The following DSC3 variants were observed in gnomAD, a reference collection of about 807,000 sequenced individuals.
DSC3 encodes desmocollin-3.
A neutral mutation model predicts 89.5 loss-of-function variants in DSC3; 97 were observed. That is an observed-to-expected ratio of 1.08 (90% CI 0.92 to 1.28). The LOEUF is 1.28. Ranked by LOEUF, DSC3 falls within the 50% of genes most tolerant of loss-of-function variation. DSC3 has a pLI of 0.00. For missense variants in DSC3, 1,199 were observed against 1,085.3 expected, an observed-to-expected ratio of 1.10 and a Z score of -1.47; for synonymous variants, 436 against 384.1, an observed-to-expected ratio of 1.14 and a Z score of -1.58.
At chr18:31,012,005 T>G (rs1985086402) in intron 9 of DSC3, among the ~76,000 whole-genome samples, 1 of 128,438 alleles carries the variant, frequency 7.8e-6, no homozygotes, top group Non-Finnish European at 1.6e-5. Flanking sequence ...AAAGACATGA[T>G]TTAACCACAC....
At chr18:31,007,789 A>G (rs952497859) in intron 11 of DSC3, among the ~76,000 whole-genome samples, 4 of 152,202 alleles carry the variant, frequency 2.6e-5, no homozygotes, top group African/African-American at 7.2e-5. Context: ...ATAGAAATAC[A>G]TAAGAATTTA....
chr18:31,005,694 G>A (rs1357119792), intron 12 of DSC3, among the ~76,000 whole-genome samples: 3 of 152,166 alleles, frequency 2.0e-5, no homozygotes, highest in African/African-American at 7.2e-5. Context: ...CATTAGGCTA[G>A]GTGCTGGAAG....
chr18:31,022,087 T>A (rs1013516415), intron 7 of DSC3, among the ~76,000 whole-genome samples: 2 of 151,982 alleles, frequency 1.3e-5, no homozygotes, highest in Admixed American at 6.6e-5. Flanking sequence ...GAAAAAAAAA[T>A]TTATAATGAA....
At chr18:31,007,612 A>C (rs1053877440) in intron 11 of DSC3, among the ~76,000 whole-genome samples, 8 of 151,930 alleles carry the variant, frequency 5.3e-5, no homozygotes, top group Non-Finnish European at 1.0e-4. Flanking sequence ...AGGTTGAAAA[A>C]CTCTAGGTTA....
chr18:31,027,558 C>T (rs566012365), intron 4 of DSC3, among the ~76,000 whole-genome samples: 1 of 151,212 alleles, frequency 6.6e-6, no homozygotes, highest in East Asian at 2.0e-4. Context: ...CTTTGTGTTA[C>T]AAAATAAGAT....
intron 3 of DSC3, among the ~76,000 whole-genome samples, chr18:31,029,979 C>T (rs1985727045): frequency 6.6e-6 from 1 of 152,162 alleles, no homozygotes; most frequent in Non-Finnish European, 1.5e-5. Context: ...ATAGCACTTA[C>T]TTGTTCTTTT....
chr18:31,017,286 C>T (rs1321602093), intron 9 of DSC3, among the ~76,000 whole-genome samples: 1 of 152,082 alleles, frequency 6.6e-6, no homozygotes, highest in Non-Finnish European at 1.5e-5. Context: ...GTTTGTGTAC[C>T]AAAGATGCCA....
chr18:31,020,337 A>G, intron 7 of DSC3, among the ~76,000 whole-genome samples: 1 of 152,314 alleles, frequency 6.6e-6, no homozygotes, highest in South Asian at 2.1e-4. Flanking sequence ...CATACAAAGG[A>G]CACTAAAAAG....
At chr18:30,994,908 A>T (rs1025671802) in intron 15 of DSC3, among the ~76,000 whole-genome samples, 1 of 152,256 alleles carries the variant, frequency 6.6e-6, no homozygotes, top group South Asian at 2.1e-4. Context: ...GGTACAATAC[A>T]TGTTAACTTG....
At chr18:31,007,780 T>C (rs1286457298) in intron 11 of DSC3, among the ~76,000 whole-genome samples, 2 of 152,140 alleles carry the variant, frequency 1.3e-5, no homozygotes, top group Admixed American at 6.5e-5. Context: ...TCCTCTAGCA[T>C]AGAAATACAT....
intron 1 of DSC3, among the ~76,000 whole-genome samples, chr18:31,040,915 T>C (rs1401391740): frequency 6.6e-6 from 1 of 152,144 alleles, no homozygotes; most frequent in Non-Finnish European, 1.5e-5. Context: ...AAACTGACAA[T>C]TGCAGATGAA....
chr18:31,035,786 G>A (rs1985950770), intron 1 of DSC3, among the ~76,000 whole-genome samples: 1 of 151,968 alleles, frequency 6.6e-6, no homozygotes, highest in South Asian at 2.1e-4. Flanking sequence ...AAAGTCTTAT[G>A]CTCTATTATA....
intron 14 of DSC3, among the ~76,000 whole-genome samples, chr18:31,000,160 A>G (rs1446859422): frequency 6.6e-6 from 1 of 152,126 alleles, no homozygotes; most frequent in East Asian, 1.9e-4. Context: ...AGTGAATAAG[A>G]AAGGCATCTT....
chr18:31,039,646 T>C (rs946877680), intron 1 of DSC3, among the ~76,000 whole-genome samples: 3 of 152,188 alleles, frequency 2.0e-5, no homozygotes, highest in African/African-American at 7.2e-5. Context: ...ATTCCAGCTA[T>C]CATACTTTCA....
chr18:31,006,960 A>T lies in DSC3; in HGVS notation c.1835T>A (p.Leu612Ter). Residue 612 changes from leucine to a stop codon, truncating the protein, a stop_gained, in exon 12 of 16, where the codon TTG (leucine) becomes TAG (stop). Coordinates refer to ENST00000360428, the MANE Select transcript of DSC3 (RefSeq NM_001941.5). LOFTEE classifies it high-confidence loss of function. ...PVHGAPFYFS[L>*]PNTSPEISRL... ...ACTGATTTCTGGAGAAGTATTGGGC[A>T]AACTGAAATAAAATGGAGCTCCATG... 1 of 1,613,954 alleles carries T rather than the reference A, an allele frequency of 6.2e-7. No homozygotes were observed. Among genetic ancestry groups the T allele is most frequent in the Non-Finnish European group, 8.5e-7 (1 of 1,179,926 alleles).
rs1410941820 is a variant in DSC3 at position 30,996,872 on chromosome 18, G to T, written c.2412C>A (p.Cys804Ter). 1 of 1,613,682 alleles carries T rather than the reference G, an allele frequency of 6.2e-7. No individual in the cohort carries two copies. The highest frequency in any genetic ancestry group is 1.7e-4 in the Middle Eastern group (1 of 6,060). The change falls in exon 15 of 16, where the codon TGC (cysteine) becomes TGA (stop). Residue 804 changes from cysteine (C) to a stop codon, truncating the protein, a stop_gained. Transcript: ENST00000360428. LOFTEE classifies it high-confidence loss of function. Reference sequence around the variant, plus strand: ...TGTCCACCTCCGTGTGTCCTCCCCTGCAGGAGTCCAGGGTATGATGATGCC... The same window carrying T: ...TGTCCACCTCCGTGTGTCCTCCCCTTCAGGAGTCCAGGGTATGATGATGCC... Reference protein sequence around the residue: ...GAGHHHTLDSCRGGHTEVDNC... With the variant: ...GAGHHHTLDS
chr18:31,041,250 T>C (rs887438663), intron 1 of DSC3, among the ~76,000 whole-genome samples: 2 of 152,212 alleles, frequency 1.3e-5, no homozygotes, highest in Non-Finnish European at 2.9e-5. Flanking sequence ...AAATGCATGC[T>C]TGTAAACTGA....
At chr18:31,014,313 CATGAT>C (rs1188697307) in intron 9 of DSC3, among the ~76,000 whole-genome samples, 1 of 151,788 alleles carries the variant, frequency 6.6e-6, no homozygotes, top group Non-Finnish European at 1.5e-5. Context: ...AAAAAAGAAA[CATGAT>C]AAGATTACTT....
intron 9 of DSC3, among the ~76,000 whole-genome samples, chr18:31,011,579 A>G (rs575056167): frequency 1.3e-5 from 2 of 152,348 alleles, no homozygotes; most frequent in African/African-American, 2.4e-5. Context: ...TTCTTTAATC[A>G]GTACTCAAAA....
Sources: gnomAD v4.1 joint callset for allele counts (sites outside exome capture counted in the v4.1 genomes callset) on GRCh38, gnomAD v4.1.1 for gene constraint, MANE v1.5 for transcripts, NCBI Gene and HGNC (gene_info 2026-07-23, HGNC 2026-07-21) for gene names.